Variants in LY75 observed in about 807,000 individuals in gnomAD.
LY75 encodes lymphocyte antigen 75.
A neutral mutation model predicts 231.7 loss-of-function variants in LY75; 185 were observed. The observed-to-expected ratio is 0.80, with a 90% CI of 0.71 to 0.90. The LOEUF (loss-of-function observed/expected upper bound fraction) is 0.90. Ranked by LOEUF, LY75 falls within the 40% of genes least tolerant of loss-of-function variation. LY75 has a pLI of 0.00. For synonymous variants in LY75, 668 were observed against 689.0 expected, an observed-to-expected ratio of 0.97 and a Z score of 0.48; for missense variants, 1,947 against 2,050.2, an observed-to-expected ratio of 0.95 and a Z score of 0.97.
At position 159,854,537 on chromosome 2, in the gene LY75, TA is replaced by T; in HGVS notation, c.2420-3del. On this transcript the variant is annotated splice_region_variant and splice_polypyrimidine_tract_variant and intron_variant, in intron 17 of 34. Coordinates refer to ENST00000263636, the MANE Select transcript of LY75 (RefSeq NM_002349.4). ...GAGGTCCATGAATTCCAGCACGGTC[TA>T]AAGAAGAAGAAGAAAAAGATTAGAA... 6.2e-7 allele frequency: 1 copy of T among 1,609,660 alleles called. No homozygotes were observed. Among genetic ancestry groups the T allele is most frequent in the South Asian group, 1.1e-5 (1 of 90,550 alleles).
At position 159,845,870 on chromosome 2, in the gene LY75, G is replaced by GTA. The variant is rs77777543; in HGVS notation, c.3151-3498_3151-3497dup. ...ACTGATATAAATATTATAAAATACAGTATATATATATACACATACACATAT... is the reference window on the plus strand; with the variant it reads ...ACTGATATAAATATTATAAAATACAGTATATATATATATACACATACACATAT... On this transcript the variant is annotated intron_variant, in intron 23 of 34. Coordinates refer to ENST00000263636, the MANE Select transcript of LY75 (RefSeq NM_002349.4). 2.1e-3 allele frequency among the ~76,000 whole-genome samples: 316 copies of GTA among 150,746 alleles called. 3 individuals are homozygous for GTA. The highest frequency in any genetic ancestry group is 6.6e-3 in the African/African-American group (272 of 41,106).
Position 159,819,857 on chromosome 2 carries a change from G to A in LY75, c.4022C>T (p.Pro1341Leu). 2 of 1,613,964 alleles carry A rather than the reference G, an allele frequency of 1.2e-6. No homozygotes were observed. The highest frequency in any genetic ancestry group is 1.7e-6 in the Non-Finnish European group (2 of 1,179,966). Reference protein sequence around the residue: ...LSYTHWRAGRPTIKNEKFLAG... With the variant: ...LSYTHWRAGRLTIKNEKFLAG... Reference sequence around the variant, plus strand: ...CAAAAACTTCTCATTTTTTATAGTTGGTCTTCCTGCTCTCCAATGTGTATA... The same window carrying A: ...CAAAAACTTCTCATTTTTTATAGTTAGTCTTCCTGCTCTCCAATGTGTATA... Residue 1341 changes from proline (P) to leucine (L), a missense_variant, in exon 29 of 35, where the codon CCA becomes CTA. By Grantham distance (98) the Pro-to-Leu change is moderately conservative (BLOSUM62 -3). Transcript: ENST00000263636.
chr2:159,808,427 C>T (rs1277422195), intron 33 of LY75, 22 bp downstream of exon 33: 1 of 1,613,558 alleles, frequency 6.2e-7, no homozygotes, highest in Non-Finnish European at 8.5e-7. Flanking sequence ...TTGCACACTA[C>T]ACATACAATT....
chr2:159,869,527 G>C (rs1395845355), intron 13 of LY75, among the ~76,000 whole-genome samples: 2 of 152,124 alleles, frequency 1.3e-5, no homozygotes, highest in African/African-American at 4.8e-5. Context: ...AAAATATTTA[G>C]AGAAACTCTC....
In LY75 at chr2:159,840,325, C is replaced by T. The variant is rs565352593; in HGVS notation, c.3507+404G>A. Among the ~76,000 whole-genome samples the T allele has an allele frequency of 5.9e-5, 9 of 152,190 alleles. No individual in the cohort carries two copies. In the South Asian group the frequency reaches 1.5e-3, roughly 25 times the overall value. On this transcript the variant is annotated intron_variant, in intron 25 of 34. Transcript: ENST00000263636. ...ATGGCTCATGCTGGTAATCCCAGCA[C>T]CTTTGGGAGGCCAAGGTGGGCAGAG... is the stretch of plus-strand genomic sequence containing the variant.
chr2:159,814,997 C>CTTTTT (rs3035627), intron 31 of LY75, among the ~76,000 whole-genome samples: 3 of 111,450 alleles, frequency 2.7e-5, no homozygotes, highest in South Asian at 2.8e-4. Flanking sequence ...GTGAATACAT[C>CTTTTT]TTTTTTTTTT....
chr2:159,884,063 C>T (rs1048722730), intron 6 of LY75, among the ~76,000 whole-genome samples: 6 of 152,144 alleles, frequency 3.9e-5, no homozygotes, highest in Admixed American at 2.6e-4. Flanking sequence ...CTGCTGTTCT[C>T]GTGATAGCGA....
chr2:159,809,527 CA>C (rs1682890106), intron 32 of LY75, among the ~76,000 whole-genome samples: 1 of 152,122 alleles, frequency 6.6e-6, no homozygotes, highest in African/African-American at 2.4e-5. Flanking sequence ...GCTAACTTTA[CA>C]AAAATTTTAC....
At chr2:159,874,057 G>A (rs936065401) in intron 12 of LY75, among the ~76,000 whole-genome samples, 2 of 53,566 alleles carry the variant, frequency 3.7e-5, no homozygotes, top group Admixed American at 2.5e-4. Flanking sequence ...ACATATAAAC[G>A]TATATATTTT....
chr2:159,811,046 A>T (rs1682944136), intron 31 of LY75, among the ~76,000 whole-genome samples: 1 of 151,746 alleles, frequency 6.6e-6, no homozygotes, highest in Admixed American at 6.6e-5. Context: ...GTTTATTATT[A>T]TTTTTTTTAG....
intron 19 of LY75, 132 bp from the exon 20 acceptor site, chr2:159,853,484 T>C (rs1684463314): frequency 6.8e-7 from 1 of 1,464,608 alleles, no homozygotes; most frequent in Non-Finnish European, 9.3e-7. Context: ...TTCTTGATGC[T>C]AACATGCAAA....
At chr2:159,864,160 T>G (rs1168555471) in intron 14 of LY75, among the ~76,000 whole-genome samples, 1 of 152,226 alleles carries the variant, frequency 6.6e-6, no homozygotes, top group Non-Finnish European at 1.5e-5. Flanking sequence ...GATGATAATT[T>G]GCAAATATTT....
At position 159,835,571 on chromosome 2, in the gene LY75, G is replaced by A. The variant is rs12468507; in HGVS notation, c.3582C>T (p.Leu1194=). The part of the protein sequence containing the change: ...FSRWAETNGQ[L]EDCVVLDTDG... ...CAGTGTCTAATACTACACAGTCTTC[G>A]AGTTGCCCATTAGTTTCAGCCCAGC... Residue 1194 remains leucine (L), a synonymous_variant, in exon 26 of 35, where the codon CTC becomes CTT. Coordinates refer to ENST00000263636, the MANE Select transcript of LY75 (RefSeq NM_002349.4). 0.012 allele frequency: 19,379 copies of A among 1,613,690 alleles called. 168 individuals carry two copies. Among genetic ancestry groups the A allele is most frequent in the Admixed American group, 0.038 (2,293 of 59,962 alleles).
intron 33 of LY75, chr2:159,807,559 G>A: frequency 1.1e-6 from 1 of 871,858 alleles, no homozygotes; most frequent in Non-Finnish European, 1.4e-6. Context: ...AAGAGGAAGG[G>A]TGCAGGAATC....
At chr2:159,859,430 T>C (rs1208514262) in intron 15 of LY75, among the ~76,000 whole-genome samples, 5 of 152,230 alleles carry the variant, frequency 3.3e-5, no homozygotes, top group Admixed American at 2.6e-4. Context: ...TCCATCTTCA[T>C]CTTTTTTCAC....
chr2:159,882,346 T>C, intron 6 of LY75, 31 bp from the exon 7 acceptor site: 1 of 1,603,130 alleles, frequency 6.2e-7, no homozygotes, highest in Non-Finnish European at 8.5e-7. Flanking sequence ...TATATTCCAG[T>C]AAAGATACAT....
Position 159,854,445 on chromosome 2 carries a change from A to T in LY75, c.2510T>A (p.Val837Asp). The change falls in exon 18 of 35, where the codon GTC becomes GAC. Residue 837 changes from valine to aspartate, a missense_variant. Physicochemically the swap from Val to Asp is radical, Grantham distance 152 (BLOSUM62 -3). Transcript: ENST00000263636. Reference sequence around the variant, plus strand: ...GCTGTGATTGCTGGCACAGTACAGGACGGCTTCTTCATAGTTTAGGTGAAG... The same window carrying T: ...GCTGTGATTGCTGGCACAGTACAGGTCGGCTTCTTCATAGTTTAGGTGAAG... ...ADLHLNYEEA[V>D]LYCASNHSFL... The T allele has an allele frequency of 6.2e-7, 1 of 1,613,670 alleles. No individual in the cohort carries two copies. Among genetic ancestry groups the T allele is most frequent in the Non-Finnish European group, 8.5e-7 (1 of 1,179,698 alleles).
chr2:159,892,108 G>A (rs950491847), intron 3 of LY75, among the ~76,000 whole-genome samples: 15 of 151,948 alleles, frequency 9.9e-5, no homozygotes, highest in Admixed American at 2.0e-4. Flanking sequence ...AAATTTGGGG[G>A]GCCCACCAAA....
chr2:159,848,014 T>G (rs925691527), intron 23 of LY75, among the ~76,000 whole-genome samples: 1 of 150,464 alleles, frequency 6.6e-6, no homozygotes, highest in Non-Finnish European at 1.5e-5. Context: ...TATAAAAATG[T>G]GGAACCAACC....
Sources: gnomAD v4.1 joint callset for allele counts (sites outside exome capture counted in the v4.1 genomes callset) on GRCh38, gnomAD v4.1.1 for gene constraint, MANE v1.5 for transcripts, NCBI Gene and HGNC (gene_info 2026-07-23, HGNC 2026-07-21) for gene names.